The following PPP1R1C variants were observed in gnomAD, a reference collection of about 807,000 sequenced individuals.
PPP1R1C encodes the protein protein phosphatase 1 regulatory inhibitor subunit 1C, also known as protein phosphatase 1 regulatory subunit 1C.
In PPP1R1C, 15 loss-of-function variants were observed where a neutral mutation model predicts 17.4. The observed-to-expected ratio is 0.86, with a 90% CI of 0.58 to 1.33. The LOEUF (loss-of-function observed/expected upper bound fraction) is 1.33, where lower values mean the gene tolerates loss of function less well. Among genes scored for constraint, PPP1R1C ranks in the 40% most tolerant of loss-of-function variants. The probability of loss-of-function intolerance (pLI) is 0.00; values close to 1 mark genes in which losing one functional copy is unlikely to be tolerated. For missense variants in PPP1R1C, 143 were observed against 130.0 expected (o/e 1.10, Z -0.48); for synonymous variants, 35 against 43.1 (o/e 0.81, Z 0.73).
intron 2 of PPP1R1C, among the ~76,000 whole-genome samples, chr2:181,999,918 T>G (rs548366971): frequency 7.2e-5 from 11 of 152,310 alleles, no homozygotes; most frequent in East Asian, 1.9e-4. Flanking sequence ...TATCTTGACT[T>G]AAATCATCAT....
At chr2:182,062,404 T>C (rs1240502585) in intron 3 of PPP1R1C, among the ~76,000 whole-genome samples, 1 of 152,098 alleles carries the variant, frequency 6.6e-6, no homozygotes, top group Non-Finnish European at 1.5e-5. Flanking sequence ...TAAATATGTG[T>C]ATGGAAGTAA....
intron 2 of PPP1R1C, among the ~76,000 whole-genome samples, chr2:182,045,950 A>G (rs1228033424): frequency 6.6e-6 from 1 of 152,162 alleles, no homozygotes; most frequent in African/African-American, 2.4e-5. Context: ...CTTTTACTGT[A>G]TATATATTTA....
At chr2:181,969,126 A>G (rs533809194) in intron 1 of PPP1R1C, among the ~76,000 whole-genome samples, 8 of 152,140 alleles carry the variant, frequency 5.3e-5, no homozygotes, top group Non-Finnish European at 1.2e-4. Context: ...TACTCAATAT[A>G]TGAGTAGTTT....
intron 2 of PPP1R1C, among the ~76,000 whole-genome samples, chr2:182,043,449 A>T (rs1687245982): frequency 6.6e-6 from 1 of 152,196 alleles, no homozygotes. Context: ...TTATGTTGAA[A>T]TCGAGCATAG....
At chr2:182,123,694 G>T (rs143609120) in intron 5 of PPP1R1C, among the ~76,000 whole-genome samples, 2,078 of 152,218 alleles carry the variant, frequency 0.014, 19 homozygotes, top group East Asian at 0.048. Flanking sequence ...ACTTTTTGAT[G>T]GGGTTGTTTG....
intron 3 of PPP1R1C, 29 bp downstream of exon 3, chr2:182,061,508 T>G: frequency 7.1e-7 from 1 of 1,403,758 alleles, no homozygotes; most frequent in South Asian, 1.5e-5. Context: ...TTTGTATAAA[T>G]GTGTTCAAAT....
At chr2:182,100,321 C>G (rs1689060796) in intron 4 of PPP1R1C, among the ~76,000 whole-genome samples, 1 of 151,854 alleles carries the variant, frequency 6.6e-6, no homozygotes, top group African/African-American at 2.4e-5. Context: ...ACCATCCTAG[C>G]CAACATGATG....
intron 2 of PPP1R1C, among the ~76,000 whole-genome samples, chr2:182,009,594 T>G (rs1686031819): frequency 6.6e-6 from 1 of 152,070 alleles, no homozygotes; most frequent in Non-Finnish European, 1.5e-5. Flanking sequence ...TCACTTTGTT[T>G]GTTGTATCCT....
intron 4 of PPP1R1C, among the ~76,000 whole-genome samples, chr2:182,085,939 A>T (rs910298676): frequency 6.6e-6 from 1 of 152,204 alleles, no homozygotes; most frequent in African/African-American, 2.4e-5. Flanking sequence ...TAGATGGGTC[A>T]TAAAGTAAAA....
At chr2:182,073,197 A>G (rs924710395) in intron 4 of PPP1R1C, among the ~76,000 whole-genome samples, 4 of 151,912 alleles carry the variant, frequency 2.6e-5, no homozygotes, top group Admixed American at 6.5e-5. Flanking sequence ...CTGAGAATGC[A>G]TTTTATATAC....
At chr2:182,119,193 A>G (rs1280355014), downstream of PPP1R1C, among the ~76,000 whole-genome samples, 2 of 151,772 alleles carry the variant, frequency 1.3e-5, no homozygotes, top group Non-Finnish European at 2.9e-5. Context: ...GCTGAGAATG[A>G]TGGTTTCCAG....
At chr2:181,965,047 A>G (rs1684882923) in intron 1 of PPP1R1C, among the ~76,000 whole-genome samples, 1 of 152,196 alleles carries the variant, frequency 6.6e-6, no homozygotes, top group Non-Finnish European at 1.5e-5. Context: ...TCTGATGATC[A>G]ATGATGTTGA....
intron 5 of PPP1R1C, among the ~76,000 whole-genome samples, chr2:182,127,449 T>A (rs7607642): frequency 0.69 from 104,882 of 151,914 alleles, 36,621 homozygotes; most frequent in African/African-American, 0.79. Flanking sequence ...TTATGTCAAG[T>A]AATAAAATGT....
chr2:182,083,169 T>C (rs2125214970), intron 4 of PPP1R1C, among the ~76,000 whole-genome samples: 1 of 152,342 alleles, frequency 6.6e-6, no homozygotes, highest in South Asian at 2.1e-4. Flanking sequence ...ATTGTCATAC[T>C]TTCAATTGTG....
In PPP1R1C at chr2:182,041,085, G is replaced by A. The variant is rs1196142; in HGVS notation, c.143-20357G>A. ...AGAATAATTTTAATTCCTGTAATGCGATACGTCCAGATTTGTTCATTTTGC... is the reference window on the plus strand; with the variant it reads ...AGAATAATTTTAATTCCTGTAATGCAATACGTCCAGATTTGTTCATTTTGC... On this transcript the variant is annotated intron_variant, in intron 2 of 4. Transcript: ENST00000682840. Among the ~76,000 whole-genome samples, 1,295 of 152,130 alleles carry A rather than the reference G, an allele frequency of 8.5e-3. 11 individuals carry two copies. The highest frequency in any genetic ancestry group is 0.016 in the African/African-American group (644 of 41,500).
intron 2 of PPP1R1C, among the ~76,000 whole-genome samples, chr2:182,047,877 T>C (rs1687391805): frequency 2.0e-5 from 3 of 152,180 alleles, no homozygotes; most frequent in Admixed American, 1.3e-4. Flanking sequence ...CCAACCTGAA[T>C]CATGAGATAA....
At chr2:181,996,651 G>A (rs1350899557) in intron 2 of PPP1R1C, among the ~76,000 whole-genome samples, 1 of 152,058 alleles carries the variant, frequency 6.6e-6, no homozygotes, top group Non-Finnish European at 1.5e-5. Context: ...TAATAATGCT[G>A]AGGAAAAAAA....
downstream of PPP1R1C, among the ~76,000 whole-genome samples, chr2:182,118,135 T>C (rs1689640742): frequency 6.6e-6 from 1 of 152,168 alleles, no homozygotes. Context: ...ATTCCATTAA[T>C]TCATTCATAT....
intron 2 of PPP1R1C, among the ~76,000 whole-genome samples, chr2:182,057,145 G>A (rs1359596679): frequency 6.6e-6 from 1 of 152,188 alleles, no homozygotes; most frequent in Non-Finnish European, 1.5e-5. Context: ...TATTTGACAG[G>A]TTGTTATTGT....
Sources: gnomAD v4.1 joint callset for allele counts (sites outside exome capture counted in the v4.1 genomes callset) on GRCh38, gnomAD v4.1.1 for gene constraint, MANE v1.5 for transcripts, NCBI Gene and HGNC (gene_info 2026-07-23, HGNC 2026-07-21) for gene names.